DNAH14: variants seen among roughly 807,000 people sequenced by gnomAD.
The protein encoded by DNAH14 is axonemal beta dynein heavy chain 14.
DNAH14 carries 478 observed loss-of-function variants against 520.9 expected under a neutral mutation model. The observed-to-expected ratio is 0.92, with a 90% CI of 0.85 to 0.99. The LOEUF is 0.99. DNAH14 is among the 50% of genes least tolerant of loss of function. The pLI is 0.00. For synonymous variants in DNAH14, 1,581 were observed against 1,757.2 expected, an observed-to-expected ratio of 0.90 and a Z score of 2.51; for missense variants, 4,831 against 5,234.5, an observed-to-expected ratio of 0.92 and a Z score of 2.38.
intron 43 of DNAH14, among the ~76,000 whole-genome samples, chr1:225,243,801 A>G (rs900208884): frequency 2.6e-5 from 4 of 152,002 alleles, no homozygotes; most frequent in Admixed American, 1.3e-4. Flanking sequence ...AAACAGGACA[A>G]TTTGACATCT....
At chr1:225,324,893 A>C in intron 64 of DNAH14, 61 bp downstream of exon 64, 78 of 1,271,510 alleles carry the variant, frequency 6.1e-5, no homozygotes, top group Non-Finnish European at 7.7e-5. Context: ...TAATTATCTC[A>C]GGAGAGCTTA....
chr1:225,007,685 A>G (rs1015001102), intron 10 of DNAH14, 141 bp downstream of exon 10: 10 of 508,908 alleles, frequency 2.0e-5, no homozygotes, highest in African/African-American at 1.4e-4. Context: ...AACTGGTACT[A>G]TGTATTTACT....
intron 55 of DNAH14, among the ~76,000 whole-genome samples, chr1:225,293,926 T>C (rs933129871): frequency 3.9e-5 from 6 of 152,176 alleles, no homozygotes; most frequent in African/African-American, 1.2e-4. Context: ...TGGAGGCCCT[T>C]AATTTCTTTC....
chr1:225,069,908 T>C (rs575165029), intron 17 of DNAH14, among the ~76,000 whole-genome samples: 8 of 152,288 alleles, frequency 5.3e-5, no homozygotes, highest in African/African-American at 1.9e-4. Context: ...TGTTCAGGGA[T>C]TCAATTTCTT....
chr1:225,367,747 T>C, intron 76 of DNAH14, 58 bp from the exon 77 acceptor site: 2 of 1,245,522 alleles, frequency 1.6e-6, no homozygotes, highest in Non-Finnish European at 2.3e-6. Flanking sequence ...ACAAGTGCCC[T>C]GAAGACCAGT....
chr1:225,324,605 C>A, intron 63 of DNAH14, 132 bp from the exon 64 acceptor site: 1 of 934,984 alleles, frequency 1.1e-6, no homozygotes, highest in Non-Finnish European at 1.6e-6. Flanking sequence ...CTTTGTACCC[C>A]ACATATACAT....
At chr1:225,255,014 G>GCT (rs1462699426) in intron 44 of DNAH14, among the ~76,000 whole-genome samples, 2 of 152,272 alleles carry the variant, frequency 1.3e-5, no homozygotes, top group East Asian at 1.9e-4. Flanking sequence ...AAAAAATGAG[G>GCT]CTCTCTCTTC....
At position 225,074,216 on chromosome 1, in the gene DNAH14, G is replaced by A. The variant is rs113950784; in HGVS notation, c.2425-4991G>A. Among the ~76,000 whole-genome samples, 1,458 of 147,242 alleles carry A rather than the reference G, an allele frequency of 9.9e-3. 21 individuals carry two copies. Among genetic ancestry groups the A allele is most frequent in the African/African-American group, 0.035 (1,385 of 39,094 alleles). On this transcript the variant is annotated intron_variant, in intron 17 of 85. Coordinates refer to ENST00000682510, the MANE Select transcript of DNAH14 (RefSeq NM_001367479.1). ...GGGTTTCACCGTTTTAGCCGGGATG[G>A]TCTCGATCTCCTGACCTCGTGATCC... is the stretch of plus-strand genomic sequence containing the variant.
chr1:224,975,875 T>A (rs2061794401), intron 8 of DNAH14, among the ~76,000 whole-genome samples: 1 of 152,094 alleles, frequency 6.6e-6, no homozygotes. Context: ...GTGCTATAAA[T>A]TTCCCTCACA....
At chr1:225,071,695 G>A (rs1027478583) in intron 17 of DNAH14, among the ~76,000 whole-genome samples, 2 of 152,190 alleles carry the variant, frequency 1.3e-5, no homozygotes, top group Non-Finnish European at 2.9e-5. Flanking sequence ...AGTTCAGCAT[G>A]ACTGTGAAGG....
At chr1:225,101,719 C>T (rs769887584) in intron 23 of DNAH14, among the ~76,000 whole-genome samples, 1 of 152,078 alleles carries the variant, frequency 6.6e-6, no homozygotes. Context: ...AATAGTACTC[C>T]ATTTTGTATA....
chr1:225,017,139 G>A, intron 10 of DNAH14, among the ~76,000 whole-genome samples: 1 of 152,040 alleles, frequency 6.6e-6, no homozygotes, highest in East Asian at 1.9e-4. Context: ...TCAGTATGTT[G>A]GAGGATGATC....
At chr1:224,994,300 T>C (rs912161419) in intron 8 of DNAH14, among the ~76,000 whole-genome samples, 1 of 152,072 alleles carries the variant, frequency 6.6e-6, no homozygotes, top group African/African-American at 2.4e-5. Context: ...ATTATTGTAT[T>C]GTAACCTATC....
intron 17 of DNAH14, among the ~76,000 whole-genome samples, chr1:225,054,032 C>A (rs536110914): frequency 2.0e-5 from 3 of 152,076 alleles, no homozygotes; most frequent in African/African-American, 7.2e-5. Context: ...TGTGAGTGCT[C>A]CCCATGAGAC....
intron 36 of DNAH14, among the ~76,000 whole-genome samples, chr1:225,172,862 T>G (rs1000361400): frequency 3.9e-5 from 6 of 152,120 alleles, no homozygotes; most frequent in African/African-American, 1.4e-4. Context: ...CAAACTATAC[T>G]ACAAGGCTAC....
chr1:225,318,772 T>C, intron 61 of DNAH14, 95 bp downstream of exon 61: 1 of 1,131,864 alleles, frequency 8.8e-7, no homozygotes, highest in Non-Finnish European at 1.2e-6. Flanking sequence ...GCCTATATAC[T>C]AAGCCTATAT....
chr1:225,143,886 C>A (rs2079675998), intron 28 of DNAH14, among the ~76,000 whole-genome samples: 1 of 152,084 alleles, frequency 6.6e-6, no homozygotes, highest in Admixed American at 6.5e-5. Context: ...TAACTCAAAA[C>A]CTTCTAGATG....
intron 35 of DNAH14, among the ~76,000 whole-genome samples, chr1:225,159,918 C>G (rs1352790339): frequency 6.6e-6 from 1 of 152,106 alleles, no homozygotes; most frequent in African/African-American, 2.4e-5. Context: ...TCTATAGCCT[C>G]ACAGTCATTG....
rs373262464 is a variant in DNAH14, at chr1:225,080,383, G to C, written c.2771G>C (p.Arg924Thr). The stretch of plus-strand genomic sequence containing the variant: ...AGTCCTACTCTTATTTTTTAGATAA[G>C]AACTCCTCTTCTGTTATGTGCTGGT... ...VDVGNLKAKI[R>T]TPLLLCAGTQ... Residue 924 changes from arginine (R) to threonine (T), a missense_variant, in exon 19 of 86, where the codon AGA (arginine) becomes ACA (threonine). Coordinates refer to ENST00000682510, the MANE Select transcript of DNAH14 (RefSeq NM_001367479.1). 7.1e-5 allele frequency: 108 copies of C among 1,523,082 alleles called. No homozygotes were observed. The highest frequency in any genetic ancestry group is 9.1e-5 in the Non-Finnish European group (103 of 1,134,718). 94.3% of individuals were successfully genotyped at this position (1,523,082 alleles called of 1,614,324 possible).
Sources: allele counts gnomAD v4.1 joint callset (sites outside exome capture counted in the v4.1 genomes callset), GRCh38; gene constraint gnomAD v4.1.1; transcripts MANE v1.5; gene names NCBI Gene and HGNC (gene_info 2026-07-23, HGNC 2026-07-21).